CASKIN2: variants seen among roughly 807,000 people sequenced by gnomAD.
CASKIN2 encodes the protein caskin-2.
Under a neutral mutation model 107.1 loss-of-function variants are expected in CASKIN2, and 41 were observed. The ratio of observed to expected loss-of-function variants is 0.38; its 90% confidence interval spans 0.30 to 0.50. The LOEUF (loss-of-function observed/expected upper bound fraction) is 0.50. CASKIN2 is among the 20% of genes least tolerant of loss of function. The pLI, the probability that CASKIN2 is intolerant of heterozygous loss-of-function variation, is 0.92. For missense variants in CASKIN2, 1,546 were observed against 1,657.4 expected, an observed-to-expected ratio of 0.93 and a Z score of 1.17; for synonymous variants, 724 against 705.6, an observed-to-expected ratio of 1.03 and a Z score of -0.41.
Position 75,514,009 on chromosome 17 carries a change from A to G in CASKIN2, c.-205T>C. The G allele has an allele frequency of 1.7e-6, 1 of 591,504 alleles. No homozygotes were observed. The highest frequency in any genetic ancestry group is 2.1e-5 in the South Asian group (1 of 48,458). The allele number at this position is 591,504 out of a possible 1,614,324, so 36.6% of individuals were successfully genotyped here. A position where few individuals can be genotyped will look rare whatever the true frequency, so the allele number is the denominator to read the frequency against. ...TGCTCCGTGAACTGCCACCACACGAAGGAAAGCTAATCTTTGAGGGGGTGA... is the reference window on the plus strand; with the variant it reads ...TGCTCCGTGAACTGCCACCACACGAGGGAAAGCTAATCTTTGAGGGGGTGA... On this transcript the variant is annotated 5_prime_UTR_variant, in exon 2 of 20. Coordinates refer to ENST00000321617, the MANE Select transcript of CASKIN2 (RefSeq NM_020753.5).
At chr17:75,509,364 C>T (rs2053297846) in intron 2 of CASKIN2, among the ~76,000 whole-genome samples, 1 of 152,224 alleles carries the variant, frequency 6.6e-6, no homozygotes, top group African/African-American at 2.4e-5. Context: ...GCCCCCCAGG[C>T]TCTGGTGGAC....
intron 2 of CASKIN2, among the ~76,000 whole-genome samples, chr17:75,510,397 A>G (rs1196424684): frequency 6.6e-6 from 1 of 152,116 alleles, no homozygotes; most frequent in Non-Finnish European, 1.5e-5. Context: ...ACCCCAGAAG[A>G]AAAAAGGGGA....
Position 75,506,722 on chromosome 17 carries a change from C to A in CASKIN2, c.487-9G>T, listed in dbSNP as rs1245618608. 1 of 1,613,582 alleles carries A rather than the reference C, an allele frequency of 6.2e-7. No homozygotes were observed. Among genetic ancestry groups the A allele is most frequent in the African/African-American group, 1.3e-5 (1 of 75,028 alleles). On this transcript the variant is annotated splice_polypyrimidine_tract_variant and intron_variant, in intron 6 of 19. Coordinates refer to ENST00000321617, the MANE Select transcript of CASKIN2 (RefSeq NM_020753.5). This position sits in a 1 kb window ranked among gnomAD's most constrained non-coding sequence, Gnocchi z 4.8. ...AGAAGCAGCTGGGCCACCTGCAGCA[C>A]CCAGTGCCCAGTTAGAGCCTCCTCC...
At chr17:75,503,333 T>C in intron 17 of CASKIN2, 56 bp downstream of exon 17, 1 of 1,586,344 alleles carries the variant, frequency 6.3e-7, no homozygotes, top group Non-Finnish European at 8.6e-7. Flanking sequence ...TACTGTCTTC[T>C]CTTGGAGACC....
Position 75,502,301 on chromosome 17 carries a change from GC to G in CASKIN2, c.2772del (p.Ala926ArgfsTer33). On this transcript the variant is annotated frameshift_variant, in exon 18 of 20. Transcript: ENST00000321617. LOFTEE classifies it high-confidence loss of function. The surrounding 1 kb of genome is among the most constrained non-coding windows in gnomAD (Gnocchi z 4.3). Reference protein sequence around the residue: ...SEPPGPPAPAGPASDTEEEEP... With the variant: ...SEPPGPPAPAXPASDTEEEEP... ...TCCTCCTCCTCCGTGTCTGACGCGGGCCCAGCCGGGGCAGGTGGGCCAGGGG... is the reference window on the plus strand; with the variant it reads ...TCCTCCTCCTCCGTGTCTGACGCGGGCCAGCCGGGGCAGGTGGGCCAGGGG... 1 of 1,496,694 alleles carries G rather than the reference GC, an allele frequency of 6.7e-7. No individual in the cohort carries two copies. The allele number at this position is 1,496,694 out of a possible 1,614,324, so 92.7% of individuals were successfully genotyped here.
Position 75,514,205 on chromosome 17 carries a change from G to A in CASKIN2, c.-401C>T, listed in dbSNP as rs1369099355. ...GGCAGCAGCGGTGCACTGGTCTCAGGGCTCTGGAAAAAGCACGGGGCCTCT... is the reference window on the plus strand; with the variant it reads ...GGCAGCAGCGGTGCACTGGTCTCAGAGCTCTGGAAAAAGCACGGGGCCTCT... On this transcript the variant is annotated 5_prime_UTR_variant, in exon 2 of 20. Coordinates refer to ENST00000321617, the MANE Select transcript of CASKIN2 (RefSeq NM_020753.5). 2 of 460,522 alleles carry A rather than the reference G, an allele frequency of 4.3e-6. No individual in the cohort carries two copies. The highest frequency in any genetic ancestry group is 7.6e-6 in the Non-Finnish European group (2 of 262,654). 28.5% of individuals were successfully genotyped at this position (460,522 alleles called of 1,614,324 possible). A position where few individuals can be genotyped will look rare whatever the true frequency, so the allele number is the denominator to read the frequency against.
Position 75,501,763 on chromosome 17 carries a change from AG to A in CASKIN2, c.3295+15del, listed in dbSNP as rs772645490. On this transcript the variant is annotated intron_variant, in intron 18 of 19. Transcript: ENST00000321617. ...ACCCTGCCAGCAGTGACTCTCCCAC[AG>A]GCCTCCCCTCTTACCTGCTCCGGGC... is the stretch of plus-strand genomic sequence containing the variant. 3 of 1,527,868 alleles carry A rather than the reference AG, an allele frequency of 2.0e-6. No homozygotes were observed. The highest frequency in any genetic ancestry group is 1.8e-4 in the Middle Eastern group (1 of 5,648). 94.6% of individuals were successfully genotyped at this position (1,527,868 alleles called of 1,614,324 possible).
At position 75,502,131 on chromosome 17, in the gene CASKIN2, A is replaced by G; in HGVS notation, c.2943T>C (p.Asp981=). The change falls in exon 18 of 20, where the codon GAT becomes GAC. Residue 981 remains aspartate (D), a synonymous_variant. Transcript: ENST00000321617. This position sits in a 1 kb window ranked among gnomAD's most constrained non-coding sequence, Gnocchi z 4.3. ...PRETPVPPGL[D]FNLTESDTVK... is the part of the protein sequence containing the mutation. ...CAGTGTCTGATTCCGTGAGGTTGAA[A>G]TCGAGGCCGGGGGGCACGGGTGTCT... 1 of 1,601,426 alleles carries G rather than the reference A, an allele frequency of 6.2e-7. No homozygotes were observed. Among genetic ancestry groups the G allele is most frequent in the Non-Finnish European group, 8.5e-7 (1 of 1,178,376 alleles).
chr17:75,502,928 C>T lies in CASKIN2; in HGVS notation c.2146G>A (p.Ala716Thr). Residue 716 changes from alanine (A) to threonine (T), a missense_variant, in exon 18 of 20, where the codon GCC becomes ACC. By Grantham distance (58) the Ala-to-Thr change is moderately conservative (BLOSUM62 0). Around this residue, in one of 6 missense-constraint regions of CASKIN2, gnomAD observed 1,311 missense variants for 1,311.0 expected, o/e 1.00. Coordinates refer to ENST00000321617, the MANE Select transcript of CASKIN2 (RefSeq NM_020753.5). This position sits in a 1 kb window ranked among gnomAD's most constrained non-coding sequence, Gnocchi z 4.3. The stretch of plus-strand genomic sequence containing the variant: ...GGATCTCCACCGCTGGGCTGTGGGG[C>T]AGGCTGTTCCTGTGAGTGGCCAGAC... ...RGSGHSQEQPAPQPSGGDPSP... is the reference protein window; with the variant it reads ...RGSGHSQEQPTPQPSGGDPSP... 1 of 1,565,550 alleles carries T rather than the reference C, an allele frequency of 6.4e-7. No homozygotes were observed. Among genetic ancestry groups the T allele is most frequent in the Non-Finnish European group, 8.7e-7 (1 of 1,154,528 alleles).
In CASKIN2 at chr17:75,507,155, G is replaced by A. The variant is rs781495603; in HGVS notation, c.245-26C>T. On this transcript the variant is annotated intron_variant, in intron 4 of 19. Transcript: ENST00000321617. ...CTGGCAGGAGGAAAGGGTTTCTGAGGGAGGTCCTGGGACGGCGTTGGGGGT... is the reference window on the plus strand; with the variant it reads ...CTGGCAGGAGGAAAGGGTTTCTGAGAGAGGTCCTGGGACGGCGTTGGGGGT... 32 of 1,594,578 alleles carry A rather than the reference G, an allele frequency of 2.0e-5. No individual in the cohort carries two copies. The African/African-American group carries it at 4.0e-4, about 20-fold the overall frequency.
At chr17:75,513,420 G>A (rs761727314) in intron 2 of CASKIN2, among the ~76,000 whole-genome samples, 3 of 152,178 alleles carry the variant, frequency 2.0e-5, no homozygotes, top group African/African-American at 4.8e-5. Flanking sequence ...ACTCCAGCCT[G>A]GGTGACAAGC....
intron 3 of CASKIN2, 36 bp downstream of exon 3, chr17:75,508,198 C>T (rs747384453): frequency 6.2e-7 from 1 of 1,612,566 alleles, no homozygotes. Context: ...TGCCCCCACC[C>T]AGCAGCTCTG....
chr17:75,513,673 T>G, intron 2 of CASKIN2, 38 bp downstream of exon 2: 1 of 1,262,202 alleles, frequency 7.9e-7, no homozygotes, highest in Non-Finnish European at 1.2e-6. Flanking sequence ...AACTGAGCGC[T>G]CGGCCTCAGC....
In CASKIN2 at chr17:75,504,977, C is replaced by G. The variant is rs141640444; in HGVS notation, c.1027G>C (p.Glu343Gln). The G allele has an allele frequency of 1.2e-6, 2 of 1,612,278 alleles. No homozygotes were observed. The highest frequency in any genetic ancestry group is 1.1e-5 in the South Asian group (1 of 91,076). The stretch of plus-strand genomic sequence containing the variant: ...ATGCCCACCCGCTTGCTGACCACCT[C>G]GACAATGCCCGGGGGGAAGTAGCCT... Reference protein sequence around the residue: ...RIGYFPPGIVEVVSKRVGIPA... With the variant: ...RIGYFPPGIVQVVSKRVGIPA... Residue 343 changes from glutamate (E) to glutamine (Q), a missense_variant, in exon 11 of 20, where the codon GAG becomes CAG. Transcript: ENST00000321617.
rs375076327 is a variant in CASKIN2, at chr17:75,506,456, G to C, written c.618-43C>G. On this transcript the variant is annotated intron_variant, in intron 7 of 19. Coordinates refer to ENST00000321617, the MANE Select transcript of CASKIN2 (RefSeq NM_020753.5). The surrounding 1 kb of genome is among the most constrained non-coding windows in gnomAD (Gnocchi z 4.8). ...AGTCACGGGGGAGGTGGCGTAGGAG[G>C]GGGTGCTGACTGCTGGGGGCCTGGG... is the stretch of plus-strand genomic sequence containing the variant. 43 of 1,588,508 alleles carry C rather than the reference G, an allele frequency of 2.7e-5. No individual in the cohort carries two copies. The African/African-American group carries it at 4.6e-4, about 17-fold the overall frequency.
In CASKIN2 at chr17:75,514,074, T is replaced by G; in HGVS notation, c.-270A>C. The G allele has an allele frequency of 1.7e-6, 1 of 577,160 alleles. No individual in the cohort carries two copies. The highest frequency in any genetic ancestry group is 3.1e-6 in the Non-Finnish European group (1 of 324,222). 35.8% of individuals were successfully genotyped at this position (577,160 alleles called of 1,614,324 possible). On this transcript the variant is annotated 5_prime_UTR_variant, in exon 2 of 20. Coordinates refer to ENST00000321617, the MANE Select transcript of CASKIN2 (RefSeq NM_020753.5). Reference sequence around the variant, plus strand: ...TCTGGATGGATATCAGCTTGTGGCTTCCGACAGCTCCAGGATGGGCTGGGA... The same window carrying G: ...TCTGGATGGATATCAGCTTGTGGCTGCCGACAGCTCCAGGATGGGCTGGGA...
In CASKIN2 at chr17:75,505,676, G is replaced by A. The variant is rs1323123622; in HGVS notation, c.836-25C>T. 2 of 1,604,338 alleles carry A rather than the reference G, an allele frequency of 1.2e-6. No homozygotes were observed. Among genetic ancestry groups the A allele is most frequent in the South Asian group, 1.1e-5 (1 of 90,880 alleles). ...TCTAAGAAAACGGGGTGGGGGACAG[G>A]TGTCATCTAAGGGTCCTTAGGGCAT... On this transcript the variant is annotated intron_variant, in intron 9 of 19. Coordinates refer to ENST00000321617, the MANE Select transcript of CASKIN2 (RefSeq NM_020753.5). The surrounding 1 kb of genome is among the most constrained non-coding windows in gnomAD (Gnocchi z 5.1).
rs377526337 is a variant in CASKIN2, at chr17:75,507,570, C to T, written c.244+14G>A. 4.0e-5 allele frequency: 65 copies of T among 1,605,026 alleles called. No individual in the cohort carries two copies. In the African/African-American group the frequency reaches 4.7e-4, roughly 12 times the overall value. The stretch of plus-strand genomic sequence containing the variant: ...CTGCCCAGGGTGGGGGTCGGGGGCA[C>T]ATGGGGGTCTCACCATTGCTGTCCT... On this transcript the variant is annotated intron_variant, in intron 4 of 19. Transcript: ENST00000321617.
intron 1 of CASKIN2, 39 bp downstream of exon 1, chr17:75,515,362 C>G (rs1326201657): frequency 6.6e-6 from 1 of 152,344 alleles, no homozygotes; most frequent in Non-Finnish European, 1.5e-5. Context: ...CGCCCGCCCC[C>G]AGGGGCGCTG....
Sources: allele counts gnomAD v4.1 joint callset (sites outside exome capture counted in the v4.1 genomes callset), GRCh38; gene constraint gnomAD v4.1.1; regional missense constraint gnomAD v4.1.1; non-coding constraint Gnocchi (gnomAD v3.1); transcripts MANE v1.5; gene names NCBI Gene and HGNC (gene_info 2026-07-23, HGNC 2026-07-21).